CEBPZOS: variants seen among roughly 807,000 people sequenced by gnomAD.
The protein encoded by CEBPZOS is protein CEBPZOS.
CEBPZOS carries 10 observed loss-of-function variants against 4.8 expected under a neutral mutation model. The observed-to-expected ratio is 2.07, with a 90% confidence interval of 1.28 to 3.52. CEBPZOS has a LOEUF of 3.52. Among genes scored for constraint, CEBPZOS ranks in the 30% most tolerant of loss-of-function variants. The pLI is 0.00. For missense variants in CEBPZOS, 98 were observed against 43.6 expected (o/e 2.25, Z -3.51); for synonymous variants, 25 against 14.2 (o/e 1.77, Z -1.72).
In CEBPZOS at chr2:37,199,572, C is replaced by T. The variant is rs1407246668; in HGVS notation, c.-1-132C>T. 5.5e-6 allele frequency: 3 copies of T among 547,472 alleles called. No individual in the cohort carries two copies. The East Asian group carries it at 8.6e-5, about 16-fold the overall frequency. 33.9% of individuals were successfully genotyped at this position (547,472 alleles called of 1,614,324 possible). A position where few individuals can be genotyped will look rare whatever the true frequency, so the allele number is the denominator to read the frequency against. On this transcript the variant is annotated intron_variant, in intron 1 of 4. Transcript: ENST00000402297. ...AGGATGTCTAAACCAAAAAAGTATA[C>T]CATAGTATTGGTCTTACTCCCATAC...
rs1035526595 is a variant in CEBPZOS, at chr2:37,204,155, G to C, written c.*2295G>C. On this transcript the variant is annotated 3_prime_UTR_variant, in exon 5 of 5. Transcript: ENST00000402297. ...TGGGTTTTATTCATCCTGTAGTGAT[G>C]TATCTGTGACCTCAACGAGTAGGCA... 1.3e-5 allele frequency: 2 copies of C among 151,980 alleles called. No individual in the cohort carries two copies. Among genetic ancestry groups the C allele is most frequent in the Non-Finnish European group, 2.9e-5 (2 of 68,034 alleles). 9.4% of individuals were successfully genotyped at this position (151,980 alleles called of 1,614,324 possible).
downstream of CEBPZOS, chr2:37,216,058 A>C: frequency 1.9e-6 from 2 of 1,071,810 alleles, no homozygotes. Context: ...ATTCTGATAA[A>C]TTAGAACAAA....
At chr2:37,198,399 G>A in intron 1 of CEBPZOS, 1 of 152,274 alleles carries the variant, frequency 6.6e-6, no homozygotes, top group South Asian at 2.1e-4. Flanking sequence ...TTATTAAAAT[G>A]AGGGAATTTG....
chr2:37,202,958 C>T lies in CEBPZOS; in HGVS notation c.*1098C>T, dbSNP rs1426807938. The T allele has an allele frequency of 6.3e-7, 1 of 1,579,298 alleles. No individual in the cohort carries two copies. On this transcript the variant is annotated 3_prime_UTR_variant, in exon 5 of 5. Coordinates refer to ENST00000402297, the MANE Select transcript of CEBPZOS (RefSeq NM_001322374.2). The stretch of plus-strand genomic sequence containing the variant: ...CAGTACATTAGCCTTACCTCTTCAG[C>T]AGATACAAATAGGCTGGAATCATTT...
chr2:37,206,298 A>T (rs1677537758), downstream of CEBPZOS, among the ~76,000 whole-genome samples: 1 of 152,264 alleles, frequency 6.6e-6, no homozygotes, highest in Non-Finnish European at 1.5e-5. Context: ...ATCTATGCTG[A>T]GAATTCACCA....
At chr2:37,213,937 T>A, downstream of CEBPZOS, 3 of 1,580,592 alleles carry the variant, frequency 1.9e-6, no homozygotes, top group Non-Finnish European at 2.6e-6. Context: ...TTTGTTTCTC[T>A]TTAACAGCAA....
rs1246913690 is a variant in CEBPZOS at position 37,203,071 on chromosome 2, T to C, written c.*1211T>C. On this transcript the variant is annotated 3_prime_UTR_variant, in exon 5 of 5. Coordinates refer to ENST00000402297, the MANE Select transcript of CEBPZOS (RefSeq NM_001322374.2). ...ATCTAATGATTTTAGAAAAATGCAA[T>C]GCAACATGATTTTATTTTAAAAATT... is the stretch of plus-strand genomic sequence containing the variant. The C allele has an allele frequency of 3.6e-6, 4 of 1,102,594 alleles. No individual in the cohort carries two copies. Among genetic ancestry groups the C allele is most frequent in the Non-Finnish European group, 5.2e-6 (4 of 774,382 alleles). 68.3% of individuals were successfully genotyped at this position (1,102,594 alleles called of 1,614,324 possible). A position where few individuals can be genotyped will look rare whatever the true frequency, so the allele number is the denominator to read the frequency against.
rs190431091 is a variant in CEBPZOS at position 37,201,785 on chromosome 2, T to C, written c.*2+59T>C. On this transcript the variant is annotated intron_variant, in intron 4 of 4. Transcript: ENST00000402297. The stretch of plus-strand genomic sequence containing the variant: ...TAACTCATTTCCTTTGTTTTTTAGT[T>C]TTTTGAGTGGTTTTAATCCTCTTCT... The C allele has an allele frequency of 1.7e-4, 238 of 1,362,832 alleles. No homozygotes were observed. In the African/African-American group the frequency reaches 2.7e-3, roughly 16 times the overall value. The allele number at this position is 1,362,832 out of a possible 1,614,324, so 84.4% of individuals were successfully genotyped here.
chr2:37,212,867 C>CAA (rs749522819), intron 4 of CEBPZOS, among the ~76,000 whole-genome samples: 1,780 of 117,216 alleles, frequency 0.015, 29 homozygotes, highest in Admixed American at 0.04. Context: ...ACAACAACAA[C>CAA]AAAAAAAAAA....
downstream of CEBPZOS, among the ~76,000 whole-genome samples, chr2:37,206,808 C>T (rs570969771): frequency 3.9e-4 from 59 of 152,278 alleles, no homozygotes; most frequent in South Asian, 0.012. Flanking sequence ...TAGAATAGTA[C>T]CTCACATCTC....
chr2:37,212,230 G>A, intron 4 of CEBPZOS: 3 of 1,102,186 alleles, frequency 2.7e-6, no homozygotes, highest in Non-Finnish European at 4.0e-6. Context: ...AAACTTACTT[G>A]ACTACATTTC....
At chr2:37,205,562 C>T (rs528598882), downstream of CEBPZOS, among the ~76,000 whole-genome samples, 1 of 152,360 alleles carries the variant, frequency 6.6e-6, no homozygotes, top group South Asian at 2.1e-4. Flanking sequence ...AGCCCGCCTG[C>T]ACCCAGGTGA....
chr2:37,202,000 C>G lies in CEBPZOS; in HGVS notation c.*140C>G. On this transcript the variant is annotated 3_prime_UTR_variant, in exon 5 of 5. Transcript: ENST00000402297. ...CTGAGTCACAGGAACTTCTAGCCTG[C>G]CTTGGCCTGTGGTTTCCCACCCACT... 8.4e-7 allele frequency: 1 copy of G among 1,194,996 alleles called. No individual in the cohort carries two copies. Among genetic ancestry groups the G allele is most frequent in the Non-Finnish European group, 1.2e-6 (1 of 852,966 alleles). The allele number at this position is 1,194,996 out of a possible 1,614,324, so 74.0% of individuals were successfully genotyped here. A position where few individuals can be genotyped will look rare whatever the true frequency, so the allele number is the denominator to read the frequency against.
intron 1 of CEBPZOS, among the ~76,000 whole-genome samples, chr2:37,196,897 A>G (rs925151194): frequency 2.6e-5 from 4 of 152,140 alleles, no homozygotes; most frequent in African/African-American, 7.2e-5. Flanking sequence ...CTCTGTTGAA[A>G]AGTCGTCCTC....
intron 1 of CEBPZOS, chr2:37,197,159 G>A (rs1037962202): frequency 6.6e-6 from 1 of 152,656 alleles, no homozygotes; most frequent in Non-Finnish European, 1.5e-5. Flanking sequence ...AAACTTCCCG[G>A]AATGATGCCT....
At chr2:37,207,289 T>A (rs1677571671), downstream of CEBPZOS, among the ~76,000 whole-genome samples, 1 of 152,074 alleles carries the variant, frequency 6.6e-6, no homozygotes, top group African/African-American at 2.4e-5. Flanking sequence ...AAACTATACC[T>A]TAGAACAAAT....
At position 37,202,772 on chromosome 2, in the gene CEBPZOS, T is replaced by C. The variant is rs1677337498; in HGVS notation, c.*912T>C. ...TTTTTAAAACATCAATAAAAAAATT[T>C]AAGTTACTTACTTGCATTATCTTTG... is the stretch of plus-strand genomic sequence containing the variant. On this transcript the variant is annotated 3_prime_UTR_variant, in exon 5 of 5. Coordinates refer to ENST00000402297, the MANE Select transcript of CEBPZOS (RefSeq NM_001322374.2). 6.6e-7 allele frequency: 1 copy of C among 1,511,538 alleles called. No homozygotes were observed. The highest frequency in any genetic ancestry group is 8.9e-7 in the Non-Finnish European group (1 of 1,122,686). The allele number at this position is 1,511,538 out of a possible 1,614,324, so 93.6% of individuals were successfully genotyped here.
exon 5 of CEBPZOS, chr2:37,213,653 A>G: frequency 2.3e-6 from 1 of 432,200 alleles, no homozygotes; most frequent in Non-Finnish European, 4.1e-6. Context: ...ACCTCAAACA[A>G]TCTTCCTGCC....
downstream of CEBPZOS, among the ~76,000 whole-genome samples, chr2:37,205,095 TA>T (rs1431222717): frequency 2.0e-5 from 3 of 152,236 alleles, no homozygotes; most frequent in Non-Finnish European, 2.9e-5. Context: ...TGTTATAATT[TA>T]AATATGTATC....
Sources: allele counts gnomAD v4.1 joint callset (sites outside exome capture counted in the v4.1 genomes callset), GRCh38; gene constraint gnomAD v4.1.1; transcripts MANE v1.5; gene names NCBI Gene and HGNC (gene_info 2026-07-23, HGNC 2026-07-21).